Variants in LOXHD1 observed in about 807,000 individuals in gnomAD.
LOXHD1 encodes the protein lipoxygenase homology domain-containing protein 1.
Under a neutral mutation model 248.2 loss-of-function variants are expected in LOXHD1, and 205 were observed. The ratio of observed to expected loss-of-function variants is 0.83; its 90% confidence interval spans 0.74 to 0.93. LOXHD1 has a LOEUF of 0.93. LOXHD1 is among the 40% of genes least tolerant of loss of function. LOXHD1 has a pLI of 0.00. For synonymous variants in LOXHD1, 1,113 were observed against 1,162.8 expected, an observed-to-expected ratio of 0.96 and a Z score of 0.87; for missense variants, 2,930 against 2,971.6, an observed-to-expected ratio of 0.99 and a Z score of 0.33.
chr18:46,654,955 A>G (rs751507602), intron 1 of LOXHD1, among the ~76,000 whole-genome samples: 1 of 152,190 alleles, frequency 6.6e-6, no homozygotes, highest in Admixed American at 6.5e-5. Flanking sequence ...TTCAAATCCT[A>G]ACTCTGCTAT....
chr18:46,540,906 T>C (rs1396005228), intron 25 of LOXHD1, among the ~76,000 whole-genome samples: 1 of 152,206 alleles, frequency 6.6e-6, no homozygotes, highest in African/African-American at 2.4e-5. Flanking sequence ...TGATGATCTG[T>C]TCATTTCAGT....
chr18:46,543,848 C>G (rs1279896050), intron 23 of LOXHD1, among the ~76,000 whole-genome samples: 1 of 152,202 alleles, frequency 6.6e-6, no homozygotes, highest in East Asian at 1.9e-4. Context: ...CAAAGCCACA[C>G]TCTCTATGTT....
intron 21 of LOXHD1, among the ~76,000 whole-genome samples, chr18:46,555,993 T>C (rs542246777): frequency 2.8e-4 from 43 of 152,024 alleles, no homozygotes; most frequent in Non-Finnish European, 6.0e-4. Context: ...AAGCTATGCA[T>C]GGATTCACAT....
chr18:46,574,542 T>C (rs11082541), intron 14 of LOXHD1, among the ~76,000 whole-genome samples: 13,752 of 151,388 alleles, frequency 0.091, 764 homozygotes, highest in African/African-American at 0.15. Flanking sequence ...TCCTGATTTT[T>C]CCAAGTCCCC....
At chr18:46,525,599 T>C (rs1279645335) in intron 29 of LOXHD1, among the ~76,000 whole-genome samples, 4 of 152,112 alleles carry the variant, frequency 2.6e-5, no homozygotes, top group Non-Finnish European at 5.9e-5. Context: ...CATTCCACTC[T>C]TGTGTGCTGA....
intron 10 of LOXHD1, 51 bp downstream of exon 10, chr18:46,593,549 C>T: frequency 1.9e-6 from 3 of 1,540,934 alleles, no homozygotes; most frequent in Admixed American, 2.0e-5. Context: ...GGACGAATGC[C>T]CTACATCCCT....
chr18:46,503,714 C>T (rs1305507556), intron 37 of LOXHD1, among the ~76,000 whole-genome samples: 16 of 152,170 alleles, frequency 1.1e-4, no homozygotes, highest in African/African-American at 3.9e-4. Context: ...CTCATAATGC[C>T]ACTTGAATGA....
At chr18:46,634,968 A>AT (rs943048434) in intron 4 of LOXHD1, among the ~76,000 whole-genome samples, 6 of 151,812 alleles carry the variant, frequency 4.0e-5, no homozygotes, top group East Asian at 3.9e-4. Context: ...TTTTACCACA[A>AT]TTTTTTTTTA....
chr18:46,634,269 G>A (rs1415557761), intron 4 of LOXHD1, among the ~76,000 whole-genome samples: 4 of 152,178 alleles, frequency 2.6e-5, no homozygotes, highest in Non-Finnish European at 5.9e-5. Context: ...ATTCTGACAC[G>A]TGCCATAGCA....
At chr18:46,598,737 T>C (rs2038295468) in intron 8 of LOXHD1, among the ~76,000 whole-genome samples, 1 of 152,160 alleles carries the variant, frequency 6.6e-6, no homozygotes, top group African/African-American at 2.4e-5. Flanking sequence ...CTCTTAAACA[T>C]ATCTAACAGA....
intron 8 of LOXHD1, among the ~76,000 whole-genome samples, chr18:46,598,185 G>A (rs543315562): frequency 2.2e-4 from 34 of 152,056 alleles, no homozygotes; most frequent in Non-Finnish European, 5.0e-4. Context: ...TCATATTAGT[G>A]CACCAACTTA....
At chr18:46,478,059 G>A in intron 40 of LOXHD1, 107 bp from the exon 41 acceptor site, 5 of 1,371,568 alleles carry the variant, frequency 3.6e-6, no homozygotes, top group Non-Finnish European at 4.9e-6. Flanking sequence ...CCCTTCCCAA[G>A]GTGATGGGAT....
At chr18:46,577,549 G>A (rs570728154) in intron 14 of LOXHD1, among the ~76,000 whole-genome samples, 158 bp downstream of exon 14, 1 of 152,266 alleles carries the variant, frequency 6.6e-6, no homozygotes, top group East Asian at 1.9e-4. Context: ...GTGAGGCTCA[G>A]GTCTAAGCAC....
chr18:46,632,747 G>A (rs559124522), intron 4 of LOXHD1, among the ~76,000 whole-genome samples: 2 of 152,188 alleles, frequency 1.3e-5, no homozygotes, highest in Non-Finnish European at 2.9e-5. Flanking sequence ...AAAAGCGGTT[G>A]CCAGCCTTCC....
rs1054267840 is a variant in LOXHD1 at position 46,650,515 on chromosome 18, G to A, written c.131-1246C>T. Among the ~76,000 whole-genome samples the A allele has an allele frequency of 3.4e-4, 51 of 152,224 alleles. 1 individual carries two copies. The highest frequency in any genetic ancestry group is 1.1e-3 in the African/African-American group (46 of 41,538). On this transcript the variant is annotated intron_variant, in intron 1 of 40. Coordinates refer to ENST00000642948, the MANE Select transcript of LOXHD1 (RefSeq NM_001384474.1). ...ATGTATGATTGTACCTGATTATCAC[G>A]GTAAACCTATAGTTATTTCTACTTC...
chr18:46,626,248 C>T (rs2038740912), intron 4 of LOXHD1, among the ~76,000 whole-genome samples: 1 of 152,168 alleles, frequency 6.6e-6, no homozygotes, highest in Non-Finnish European at 1.5e-5. Context: ...TACAATGCAG[C>T]CACTTAAAAT....
chr18:46,628,354 T>G (rs984257519), intron 4 of LOXHD1, among the ~76,000 whole-genome samples: 13 of 152,322 alleles, frequency 8.5e-5, no homozygotes, highest in Admixed American at 7.8e-4. Context: ...AGGAAAGTGC[T>G]GCAGGGCTGG....
intron 16 of LOXHD1, among the ~76,000 whole-genome samples, chr18:46,568,625 G>A (rs2037690298): frequency 6.6e-6 from 1 of 152,142 alleles, no homozygotes; most frequent in African/African-American, 2.4e-5. Flanking sequence ...TAAAGCATCA[G>A]TTAGCAAACC....
intron 7 of LOXHD1, 125 bp downstream of exon 7, chr18:46,603,981 G>A (rs539938268): frequency 8.4e-5 from 108 of 1,285,276 alleles, no homozygotes; most frequent in Admixed American, 7.2e-4. Flanking sequence ...GGAGCAGGAG[G>A]AATGCTGTCT....
Sources: allele counts gnomAD v4.1 joint callset (sites outside exome capture counted in the v4.1 genomes callset), GRCh38; gene constraint gnomAD v4.1.1; transcripts MANE v1.5; gene names NCBI Gene and HGNC (gene_info 2026-07-23, HGNC 2026-07-21).